WDPCP: variants seen among roughly 807,000 people sequenced by gnomAD.
WDPCP encodes WD repeat-containing and planar cell polarity effector protein fritz homolog.
In WDPCP, 71 loss-of-function variants were observed where a neutral mutation model predicts 93.1. The ratio of observed to expected loss-of-function variants is 0.76; its 90% CI spans 0.63 to 0.93. The LOEUF (loss-of-function observed/expected upper bound fraction) is 0.93. Among genes scored for constraint, WDPCP ranks in the 40% least tolerant of loss-of-function variants. WDPCP has a pLI of 0.00. For missense variants in WDPCP, 844 were observed against 887.4 expected (o/e 0.95, Z 0.62); for synonymous variants, 315 against 315.0 (o/e 1.00, Z 0.00).
At chr2:63,508,856 A>T (rs1702049659) in intron 1 of WDPCP, among the ~76,000 whole-genome samples, 1 of 152,224 alleles carries the variant, frequency 6.6e-6, no homozygotes, top group Non-Finnish European at 1.5e-5. Flanking sequence ...ATAATGGTAA[A>T]GGGTTGAATT....
chr2:63,589,471 C>A (rs1341569673), upstream of WDPCP: 1 of 1,328,108 alleles, frequency 7.5e-7, no homozygotes, highest in Non-Finnish European at 1.1e-6. Flanking sequence ...GTCACAGGGA[C>A]CTTGAAAGCA....
intron 2 of WDPCP, among the ~76,000 whole-genome samples, chr2:63,779,660 G>A (rs1179321115): frequency 1.3e-5 from 2 of 152,156 alleles, no homozygotes; most frequent in Non-Finnish European, 2.9e-5. Context: ...GGGCAGAGAA[G>A]AGGGCTTGAT....
At chr2:63,752,432 T>C in intron 2 of WDPCP, 1 of 765,152 alleles carries the variant, frequency 1.3e-6, no homozygotes, top group South Asian at 1.3e-5. Flanking sequence ...CGTGGCTGCA[T>C]CCACCTCCTC....
At chr2:63,176,796 CCTATGCTTTTGGTGT>C (rs1470901347) in intron 14 of WDPCP, among the ~76,000 whole-genome samples, 1 of 152,108 alleles carries the variant, frequency 6.6e-6, no homozygotes, top group Middle Eastern at 3.2e-3. Context: ...GCTTTTGTTG[CCTATGCTTTTGGTGT>C]CACATACAAG....
intron 1 of WDPCP, among the ~76,000 whole-genome samples, chr2:63,579,315 AAAGTCATC>A (rs1052690718): frequency 5.0e-4 from 76 of 152,340 alleles, no homozygotes; most frequent in African/African-American, 1.8e-3. Context: ...AAATTAGAAA[AAAGTCATC>A]AACTGGTTGG....
intron 14 of WDPCP, among the ~76,000 whole-genome samples, chr2:63,202,483 G>A (rs529058970): frequency 6.6e-5 from 10 of 152,052 alleles, no homozygotes; most frequent in Non-Finnish European, 1.3e-4. Context: ...CTACCTCATT[G>A]ATTATGTTGT....
At chr2:63,831,454 A>T (rs10865344), upstream of WDPCP, among the ~76,000 whole-genome samples, 98,886 of 151,962 alleles carry the variant, frequency 0.65, 33,154 homozygotes, top group East Asian at 0.85. Flanking sequence ...ATATGGCTGA[A>T]CTTTTTTCCA....
At chr2:63,322,977 CT>C (rs1306830277) in intron 12 of WDPCP, among the ~76,000 whole-genome samples, 1 of 152,220 alleles carries the variant, frequency 6.6e-6, no homozygotes, top group Non-Finnish European at 1.5e-5. Context: ...TGGGAAAGGC[CT>C]TTCTAACAAT....
chr2:63,722,503 G>A (rs1363772803), intron 2 of WDPCP, among the ~76,000 whole-genome samples: 3 of 137,034 alleles, frequency 2.2e-5, no homozygotes, highest in Non-Finnish European at 3.3e-5. Context: ...CAGCCGCCCC[G>A]TCTGGGAAGT....
chr2:63,528,480 T>C (rs181519828), intron 1 of WDPCP, among the ~76,000 whole-genome samples: 1 of 152,376 alleles, frequency 6.6e-6, no homozygotes, highest in African/African-American at 2.4e-5. Flanking sequence ...GGGAATCCTT[T>C]CCCCAGTTCT....
chr2:63,548,732 C>A (rs542240210), intron 1 of WDPCP, among the ~76,000 whole-genome samples: 3 of 151,748 alleles, frequency 2.0e-5, no homozygotes, highest in Non-Finnish European at 4.4e-5. Flanking sequence ...TGGCCTCAAG[C>A]GATCTTCCAG....
At chr2:63,265,506 T>C (rs1276354768) in intron 13 of WDPCP, among the ~76,000 whole-genome samples, 1 of 152,048 alleles carries the variant, frequency 6.6e-6, no homozygotes, top group Non-Finnish European at 1.5e-5. Context: ...AACAGACCAA[T>C]AATGAGAAAG....
At chr2:63,499,241 T>C (rs1046875772) in intron 1 of WDPCP, among the ~76,000 whole-genome samples, 3 of 151,774 alleles carry the variant, frequency 2.0e-5, no homozygotes, top group Non-Finnish European at 2.9e-5. Flanking sequence ...TAGAGGGAAA[T>C]AGATAAAAAG....
At chr2:63,205,367 G>A (rs2104367164) in intron 14 of WDPCP, among the ~76,000 whole-genome samples, 1 of 152,274 alleles carries the variant, frequency 6.6e-6, no homozygotes, top group East Asian at 1.9e-4. Context: ...TGTGAAGGAT[G>A]TCAGTGGTAT....
chr2:63,810,112 A>C (rs1159194721), intron 2 of WDPCP, among the ~76,000 whole-genome samples: 3 of 152,322 alleles, frequency 2.0e-5, no homozygotes, highest in Non-Finnish European at 4.4e-5. Flanking sequence ...GAGCACCTAA[A>C]GACCTGGTGA....
chr2:63,492,963 G>A (rs750234947), intron 1 of WDPCP, 23 bp from the exon 2 acceptor site: 1 of 1,600,388 alleles, frequency 6.2e-7, no homozygotes, highest in Non-Finnish European at 8.6e-7. Flanking sequence ...TAATTAAAAA[G>A]AGGTGCCAAT....
chr2:63,186,696 A>C (rs1220196854), intron 14 of WDPCP, among the ~76,000 whole-genome samples: 1 of 152,198 alleles, frequency 6.6e-6, no homozygotes, highest in Admixed American at 6.5e-5. Flanking sequence ...GTTCTCAGCC[A>C]GATGCTGCTA....
chr2:63,617,602 G>A (rs1227581847), intron 3 of WDPCP, among the ~76,000 whole-genome samples: 1 of 152,138 alleles, frequency 6.6e-6, no homozygotes, highest in Non-Finnish European at 1.5e-5. Context: ...GAAGGCTAGA[G>A]GAGGAAATGT....
chr2:63,224,786 T>G (rs1678145173), intron 14 of WDPCP, among the ~76,000 whole-genome samples: 1 of 151,954 alleles, frequency 6.6e-6, no homozygotes, highest in Non-Finnish European at 1.5e-5. Context: ...GTGAAACTAG[T>G]CTATATGATA....
Sources: allele counts gnomAD v4.1 joint callset (sites outside exome capture counted in the v4.1 genomes callset), GRCh38; gene constraint gnomAD v4.1.1; transcripts MANE v1.5; gene names NCBI Gene and HGNC (gene_info 2026-07-23, HGNC 2026-07-21).